Variants in MOSMO observed in about 807,000 individuals in gnomAD.
MOSMO encodes modulator of smoothened, also known as modulator of smoothened protein.
Under a neutral mutation model 18.4 loss-of-function variants are expected in MOSMO, and 5 were observed. That is an observed-to-expected ratio of 0.27 (90% CI 0.14 to 0.57). The LOEUF (loss-of-function observed/expected upper bound fraction) is 0.57. MOSMO is among the 20% of genes least tolerant of loss of function. The pLI is 0.92. For missense variants in MOSMO, 138 were observed against 211.8 expected, an observed-to-expected ratio of 0.65 and a Z score of 2.16; for synonymous variants, 82 against 82.3, an observed-to-expected ratio of 1.00 and a Z score of 0.02.
chr16:22,031,517 A>G (rs1899993439), intron 1 of MOSMO, among the ~76,000 whole-genome samples: 2 of 152,208 alleles, frequency 1.3e-5, no homozygotes, highest in African/African-American at 4.8e-5. Flanking sequence ...CCTTTTAGCT[A>G]GCACCCCTCC....
At chr16:22,010,215 C>G (rs1349877343) in intron 1 of MOSMO, among the ~76,000 whole-genome samples, 2 of 152,152 alleles carry the variant, frequency 1.3e-5, no homozygotes, top group African/African-American at 4.8e-5. Flanking sequence ...TCTAAAAATT[C>G]TGCTACTTTT....
At chr16:22,058,100 G>A (rs767655076) in intron 1 of MOSMO, among the ~76,000 whole-genome samples, 101 of 152,270 alleles carry the variant, frequency 6.6e-4, no homozygotes, top group Non-Finnish European at 1.4e-3. Context: ...AAATGTTTAA[G>A]GTAATGTGAC....
chr16:22,080,674 T>C (rs1901061460), intron 2 of MOSMO, 22 bp from the exon 3 acceptor site: 1 of 1,255,120 alleles, frequency 8.0e-7, no homozygotes, highest in African/African-American at 1.9e-5. Context: ...TTACTAATGT[T>C]GTGTTTTGGT....
chr16:22,017,545 T>A (rs940363954), intron 1 of MOSMO, among the ~76,000 whole-genome samples: 6 of 152,064 alleles, frequency 3.9e-5, no homozygotes, highest in Non-Finnish European at 8.8e-5. Context: ...TAACAACAGA[T>A]TGAAAGTAGC....
At chr16:22,079,080 G>A (rs1417776254) in intron 2 of MOSMO, among the ~76,000 whole-genome samples, 1 of 152,144 alleles carries the variant, frequency 6.6e-6, no homozygotes, top group African/African-American at 2.4e-5. Context: ...TTAAGCAAAT[G>A]TTTTTTCTCA....
chr16:22,031,492 A>T (rs1899993135), intron 1 of MOSMO, among the ~76,000 whole-genome samples: 1 of 152,212 alleles, frequency 6.6e-6, no homozygotes, highest in Non-Finnish European at 1.5e-5. Flanking sequence ...TGTCACCTCA[A>T]AAAGAAAACC....
chr16:22,092,616 T>G, the MOSMO span: 1 of 1,550,230 alleles, frequency 6.5e-7, no homozygotes, highest in Non-Finnish European at 8.7e-7. Flanking sequence ...CAGGAGCCCT[T>G]CTCCCAAAGA....
At chr16:22,027,202 C>G (rs1899894015) in intron 1 of MOSMO, among the ~76,000 whole-genome samples, 1 of 152,160 alleles carries the variant, frequency 6.6e-6, no homozygotes, top group African/African-American at 2.4e-5. Context: ...AACTGCGTTT[C>G]TAAACACCTG....
Position 22,076,836 on chromosome 16 carries a change from T to C in MOSMO, c.319+1137T>C, listed in dbSNP as rs543457021. On this transcript the variant is annotated intron_variant, in intron 2 of 2. Coordinates refer to ENST00000542527, the MANE Select transcript of MOSMO (RefSeq NM_001164579.2). The stretch of plus-strand genomic sequence containing the variant: ...AATTGATACTCTTTAATGTGTATGT[T>C]TCTGACTCTGTTTATCTATATTGCC... 6.6e-5 allele frequency among the ~76,000 whole-genome samples: 10 copies of C among 152,318 alleles called. No homozygotes were observed. In the South Asian group the frequency reaches 2.1e-3, roughly 32 times the overall value.
downstream of MOSMO, among the ~76,000 whole-genome samples, chr16:22,088,841 G>A (rs1298315225): frequency 6.6e-6 from 1 of 152,172 alleles, no homozygotes; most frequent in African/African-American, 2.4e-5. Context: ...TGCATTGCCA[G>A]TGTGGCTGAT....
At chr16:22,013,882 G>GT (rs1394151140) in intron 1 of MOSMO, among the ~76,000 whole-genome samples, 1 of 146,634 alleles carries the variant, frequency 6.8e-6, no homozygotes, top group African/African-American at 2.5e-5. Flanking sequence ...TTACTGTTTG[G>GT]GGGGGGGGAA....
intron 1 of MOSMO, among the ~76,000 whole-genome samples, chr16:22,023,175 G>C (rs2141987361): frequency 6.6e-6 from 1 of 152,232 alleles, no homozygotes. Flanking sequence ...GACAAATGTA[G>C]ACAGTCATAT....
downstream of MOSMO, among the ~76,000 whole-genome samples, chr16:22,089,119 G>GGGTTT (rs1394813225): frequency 1.3e-5 from 2 of 152,028 alleles, no homozygotes; most frequent in African/African-American, 4.8e-5. Flanking sequence ...ACTGGTTTTT[G>GGGTTT]GGTTTGGTTT....
At position 22,075,477 on chromosome 16, in the gene MOSMO, A is replaced by G. The variant is rs1900946222; in HGVS notation, c.107-10A>G. 2 of 1,261,512 alleles carry G rather than the reference A, an allele frequency of 1.6e-6. No individual in the cohort carries two copies. Among genetic ancestry groups the G allele is most frequent in the Non-Finnish European group, 2.0e-6 (2 of 981,770 alleles). The allele number at this position is 1,261,512 out of a possible 1,614,324, so 78.1% of individuals were successfully genotyped here. A position where few individuals can be genotyped will look rare whatever the true frequency, so the allele number is the denominator to read the frequency against. On this transcript the variant is annotated splice_polypyrimidine_tract_variant and intron_variant, in intron 1 of 2. Transcript: ENST00000542527. ...CCACTAAAGTATTCCCACCATTTGC[A>G]TCTCCCCAGGAGCACTCACTGTGGG... is the stretch of plus-strand genomic sequence containing the variant.
At chr16:22,089,574 T>C (rs1901254552), downstream of MOSMO, among the ~76,000 whole-genome samples, 2 of 152,172 alleles carry the variant, frequency 1.3e-5, no homozygotes, top group Non-Finnish European at 2.9e-5. Flanking sequence ...TACTCTAAGT[T>C]GTGCAGAGGT....
chr16:22,070,800 G>C (rs374623993), intron 1 of MOSMO, among the ~76,000 whole-genome samples: 2 of 152,066 alleles, frequency 1.3e-5, no homozygotes, highest in African/African-American at 4.8e-5. Flanking sequence ...TAAGTTACCC[G>C]TAGGCTGTTG....
chr16:22,042,358 C>T (rs1277602459), intron 1 of MOSMO, among the ~76,000 whole-genome samples: 2 of 152,292 alleles, frequency 1.3e-5, no homozygotes, highest in East Asian at 3.9e-4. Context: ...CATGTATCTT[C>T]TAATAATTCA....
intron 1 of MOSMO, among the ~76,000 whole-genome samples, chr16:22,074,431 C>G (rs1460179922): frequency 6.6e-6 from 1 of 151,998 alleles, no homozygotes; most frequent in East Asian, 1.9e-4. Context: ...CAAAAAAATC[C>G]CCCCAAAATG....
chr16:22,011,887 G>A (rs1366919600), intron 1 of MOSMO, among the ~76,000 whole-genome samples: 6 of 143,538 alleles, frequency 4.2e-5, no homozygotes, highest in Admixed American at 3.0e-4. Flanking sequence ...GCTTGAGCTT[G>A]TATGCTGTAC....
Sources: allele counts gnomAD v4.1 joint callset (sites outside exome capture counted in the v4.1 genomes callset), GRCh38; gene constraint gnomAD v4.1.1; transcripts MANE v1.5; gene names NCBI Gene and HGNC (gene_info 2026-07-23, HGNC 2026-07-21).